BPTF: variants seen among roughly 807,000 people sequenced by gnomAD.
The protein encoded by BPTF is bromodomain PHD finger transcription factor, also known as nucleosome-remodeling factor subunit BPTF.
Under a neutral mutation model 292.5 loss-of-function variants are expected in BPTF, and 18 were observed. The observed-to-expected ratio is 0.06, with a 90% CI of 0.04 to 0.09. BPTF has a LOEUF of 0.09. Ranked by LOEUF, BPTF falls within the 10% of genes least tolerant of loss-of-function variation. The pLI is 1.00. For missense variants in BPTF, 2,726 were observed against 3,498.7 expected (o/e 0.78, Z 5.57); for synonymous variants, 1,225 against 1,251.9 (o/e 0.98, Z 0.45).
rs1053888079 is a variant in BPTF at position 67,892,020 on chromosome 17, A to G, written c.2041A>G (p.Lys681Glu). 1 of 1,597,978 alleles carries G rather than the reference A, an allele frequency of 6.3e-7. No homozygotes were observed. Among genetic ancestry groups the G allele is most frequent in the Non-Finnish European group, 8.5e-7 (1 of 1,172,996 alleles). Residue 681 changes from lysine (K) to glutamate (E), a missense_variant, in exon 5 of 28, where the codon AAG becomes GAG. Physicochemically the swap from Lys to Glu is moderately conservative, Grantham distance 56. Coordinates refer to ENST00000306378, the MANE Select transcript of BPTF (RefSeq NM_182641.4). ...TGCACATGAAGCAAATAAATTATTT[A>G]AGGAGGGCAAAGAGGTGTGTTCTTT... is the stretch of plus-strand genomic sequence containing the variant. ...AAAHEANKLF[K>E]EGKEVLVVNS...
intron 12 of BPTF, among the ~76,000 whole-genome samples, chr17:67,919,744 G>C (rs1024682488): frequency 1.3e-5 from 2 of 152,152 alleles, no homozygotes; most frequent in African/African-American, 4.8e-5. Context: ...TTCTGTCCTA[G>C]GCTTTTTATT....
At chr17:67,882,819 C>T (rs2060504209) in intron 4 of BPTF, among the ~76,000 whole-genome samples, 1 of 151,756 alleles carries the variant, frequency 6.6e-6, no homozygotes, top group African/African-American at 2.4e-5. Flanking sequence ...CCAGCCTGCC[C>T]AACATGGCAA....
chr17:67,855,248 C>T (rs2058621230), intron 2 of BPTF, among the ~76,000 whole-genome samples: 1 of 152,138 alleles, frequency 6.6e-6, no homozygotes, highest in African/African-American at 2.4e-5. Flanking sequence ...CTGCAGTGAG[C>T]TGAGATCACA....
rs150449990 is a variant in BPTF at position 67,866,643 on chromosome 17, A to G, written c.1616A>G (p.Asn539Ser). Reference protein sequence around the residue: ...RHMDITEDLTNKARGSNKSFL... With the variant: ...RHMDITEDLTSKARGSNKSFL... ...ATGGACATAACTGAAGACCTGACCA[A>G]TAAGGCTCGGGGCAGTAACAAATCC... Residue 539 changes from asparagine to serine, a missense_variant, in exon 3 of 28, where the codon AAT becomes AGT. Around this residue, in one of 22 missense-constraint regions of BPTF, gnomAD observed 187 missense variants for 201.5 expected, o/e 0.93. Transcript: ENST00000306378. The G allele has an allele frequency of 5.4e-5, 87 of 1,613,878 alleles. No homozygotes were observed. Among genetic ancestry groups the G allele is most frequent in the Admixed American group, 1.0e-4 (6 of 59,998 alleles).
chr17:67,848,990 C>T (rs1222547164), intron 1 of BPTF, among the ~76,000 whole-genome samples: 6 of 152,152 alleles, frequency 3.9e-5, no homozygotes, highest in African/African-American at 9.7e-5. Context: ...CTTTTGTGGG[C>T]GTACATTAAT....
Position 67,854,006 on chromosome 17 carries a change from T to A in BPTF, c.680T>A (p.Leu227His). ...TTGGAAGAAAAAGACATCCCGCCCC[T>A]TGAATTTCCCAAGTCCTCTGAGGAT... ...PILEEKDIPP[L>H]EFPKSSEDLM... is the part of the protein sequence containing the mutation. Residue 227 changes from leucine to histidine, a missense_variant, in exon 2 of 28, where the codon CTT becomes CAT. Physicochemically the swap from Leu to His is moderately conservative, Grantham distance 99. Coordinates refer to ENST00000306378, the MANE Select transcript of BPTF (RefSeq NM_182641.4). This position sits in a 1 kb window ranked among gnomAD's most constrained non-coding sequence, Gnocchi z 5.6. 1 of 1,614,184 alleles carries A rather than the reference T, an allele frequency of 6.2e-7. No homozygotes were observed. Among genetic ancestry groups the A allele is most frequent in the Non-Finnish European group, 8.5e-7 (1 of 1,180,034 alleles).
Position 67,892,030 on chromosome 17 carries a change from A to G in BPTF, c.2051A>G (p.Lys684Arg), listed in dbSNP as rs1328392164. The G allele has an allele frequency of 6.3e-7, 1 of 1,586,024 alleles. No individual in the cohort carries two copies. The highest frequency in any genetic ancestry group is 8.6e-7 in the Non-Finnish European group (1 of 1,166,614). The change falls in exon 5 of 28, where the codon AAA becomes AGA. Residue 684 changes from lysine (K) to arginine (R), a missense_variant. Lys to Arg is a conservative substitution (Grantham distance 26, BLOSUM62 2). This residue lies in a region of BPTF where 63 missense variants were observed against 84.1 expected (regional missense o/e 0.75). Transcript: ENST00000306378. ...GCAAATAAATTATTTAAGGAGGGCA[A>G]AGAGGTGTGTTCTTTCTGTTTAAAA... ...HEANKLFKEG[K>R]EVLVVNSQGE...
chr17:67,937,841 A>G (rs1451241798), intron 18 of BPTF, among the ~76,000 whole-genome samples: 1 of 152,198 alleles, frequency 6.6e-6, no homozygotes, highest in Non-Finnish European at 1.5e-5. Flanking sequence ...CCGGCCGGGT[A>G]CAGTGGCTCA....
At chr17:67,918,865 A>C in intron 12 of BPTF, 27 bp downstream of exon 12, 1 of 1,607,716 alleles carries the variant, frequency 6.2e-7, no homozygotes. Flanking sequence ...TTATTTTCTA[A>C]TTTAAGTTTA....
intron 1 of BPTF, among the ~76,000 whole-genome samples, chr17:67,847,112 A>G (rs929986991): frequency 6.6e-6 from 1 of 152,204 alleles, no homozygotes; most frequent in Non-Finnish European, 1.5e-5. Flanking sequence ...CTCTATAAAC[A>G]TCTTTGAAAG....
chr17:67,934,615 C>A (rs1482407310), intron 18 of BPTF, among the ~76,000 whole-genome samples: 1 of 151,846 alleles, frequency 6.6e-6, no homozygotes, highest in African/African-American at 2.4e-5. Flanking sequence ...GTGGCTCACT[C>A]CTGTAATCCC....
chr17:67,880,947 T>G (rs2060358796), intron 4 of BPTF, among the ~76,000 whole-genome samples: 1 of 109,862 alleles, frequency 9.1e-6, no homozygotes, highest in Admixed American at 9.6e-5. Flanking sequence ...TGTATGTATA[T>G]TATATATATA....
At position 67,909,662 on chromosome 17, in the gene BPTF, C is replaced by T. The variant is rs1284842339; in HGVS notation, c.2893C>T (p.Pro965Ser). The change falls in exon 10 of 28, where the codon CCT (proline) becomes TCT (serine). Residue 965 changes from proline to serine, a missense_variant. By Grantham distance (74) the Pro-to-Ser change is moderately conservative. Around this residue, in one of 22 missense-constraint regions of BPTF, gnomAD observed 713 missense variants for 714.9 expected, o/e 1.00. Coordinates refer to ENST00000306378, the MANE Select transcript of BPTF (RefSeq NM_182641.4). ...AAGTCCAAAAAAAATAAAAATAGAG[C>T]CTGATTCTGAAAAAGATGAGGTAAA... ...SRSPKKIKIE[P>S]DSEKDEVKGS... The T allele has an allele frequency of 2.5e-6, 4 of 1,600,688 alleles. No homozygotes were observed. Among genetic ancestry groups the T allele is most frequent in the African/African-American group, 2.7e-5 (2 of 73,960 alleles).
In BPTF at chr17:67,825,638, C is replaced by T. The variant is rs959636462; in HGVS notation, c.-87C>T. The stretch of plus-strand genomic sequence containing the variant: ...CCCTCCCGCCCGGCCCCGCGGGCCT[C>T]CCCACCCGGCCCCGGCGCTCCCCAC... On this transcript the variant is annotated 5_prime_UTR_variant, in exon 1 of 28. Coordinates refer to ENST00000306378, the MANE Select transcript of BPTF (RefSeq NM_182641.4). 1 of 255,658 alleles carries T rather than the reference C, an allele frequency of 3.9e-6. No homozygotes were observed. The highest frequency in any genetic ancestry group is 2.4e-5 in the African/African-American group (1 of 41,958). The allele number at this position is 255,658 out of a possible 1,614,324, so 15.8% of individuals were successfully genotyped here.
chr17:67,971,562 T>C (rs1555690939), intron 26 of BPTF, among the ~76,000 whole-genome samples: 1 of 151,752 alleles, frequency 6.6e-6, no homozygotes, highest in East Asian at 1.9e-4. Context: ...TCCCAGCCCT[T>C]TGGGAGGCTG....
At chr17:67,981,584 G>T (rs1414970762) in intron 27 of BPTF, 1 of 1,051,972 alleles carries the variant, frequency 9.5e-7, no homozygotes. Flanking sequence ...TGTTAAAGAT[G>T]TATCGTGGTA....
chr17:67,910,884 G>A lies in BPTF; in HGVS notation c.3000G>A (p.Lys1000=), dbSNP rs762278880. 6.3e-7 allele frequency: 1 copy of A among 1,575,068 alleles called. No homozygotes were observed. Among genetic ancestry groups the A allele is most frequent in the Non-Finnish European group, 8.6e-7 (1 of 1,161,906 alleles). Residue 1000 remains lysine, a synonymous_variant, in exon 11 of 28, where the codon AAG becomes AAA. Transcript: ENST00000306378. ...AATGTCTTTGTTTCACAGATGTGAA[G>A]GAGCTCTTAGATTCTGACAGTGATA... ...KITEKKDQDV[K]ELLDSDSDKP... is the part of the protein sequence containing the mutation.
At chr17:67,914,825 C>A (rs2062875423) in intron 11 of BPTF, among the ~76,000 whole-genome samples, 1 of 152,106 alleles carries the variant, frequency 6.6e-6, no homozygotes, top group Non-Finnish European at 1.5e-5. Flanking sequence ...GTTTATATTA[C>A]TTGATTTCAC....
chr17:67,966,877 G>A (rs1393510720), intron 26 of BPTF, among the ~76,000 whole-genome samples: 3 of 151,928 alleles, frequency 2.0e-5, no homozygotes, highest in African/African-American at 2.4e-5. Flanking sequence ...CGAGACAGGC[G>A]GATCATGAGG....
Sources: allele counts gnomAD v4.1 joint callset (sites outside exome capture counted in the v4.1 genomes callset), GRCh38; gene constraint gnomAD v4.1.1; regional missense constraint gnomAD v4.1.1; non-coding constraint Gnocchi (gnomAD v3.1); transcripts MANE v1.5; gene names NCBI Gene and HGNC (gene_info 2026-07-23, HGNC 2026-07-21).